The following TBC1D24 variants were observed in gnomAD, a reference collection of about 807,000 sequenced individuals.
TBC1D24 encodes TBC1 domain family member 24, also known as Infantile myoclonic epilepsy.
A neutral mutation model predicts 50.7 loss-of-function variants in TBC1D24; 47 were observed. The observed-to-expected ratio is 0.93, with a 90% CI of 0.73 to 1.18. The LOEUF (loss-of-function observed/expected upper bound fraction) is 1.18. Ranked by LOEUF, TBC1D24 falls within the 50% of genes most tolerant of loss-of-function variation. The pLI, the probability that TBC1D24 is intolerant of heterozygous loss-of-function variation, is 0.00. For missense variants in TBC1D24, 688 were observed against 766.5 expected (o/e 0.90, Z 1.21); for synonymous variants, 324 against 335.2 (o/e 0.97, Z 0.36).
chr16:2,476,720 G>A (rs1049913190), intron 1 of TBC1D24: 2 of 152,274 alleles, frequency 1.3e-5, no homozygotes, highest in African/African-American at 4.8e-5. Flanking sequence ...AGGTCCTTTT[G>A]TCGGAGTGAT....
chr16:2,492,863 C>CGGGCGGATCACCTGAGGT, intron 1 of TBC1D24, among the ~76,000 whole-genome samples: 1 of 152,178 alleles, frequency 6.6e-6, no homozygotes, highest in South Asian at 2.1e-4. Flanking sequence ...GAGGCTGAGG[C>CGGGCGGATCACCTGAGGT]GGGCGGATCA....
In TBC1D24 at chr16:2,500,534, C is replaced by A. The variant is rs771007616; in HGVS notation, c.1525+44C>A. Reference sequence around the variant, plus strand: ...GGCTCTGGGATGAGGGTGTGGGGTCCGGGCAGCTGAAGCTGCTGCACCCAG... The same window carrying A: ...GGCTCTGGGATGAGGGTGTGGGGTCAGGGCAGCTGAAGCTGCTGCACCCAG... On this transcript the variant is annotated intron_variant, in intron 7 of 7. Coordinates refer to ENST00000646147, the MANE Select transcript of TBC1D24 (RefSeq NM_001199107.2). This position sits in a 1 kb window ranked among gnomAD's most constrained non-coding sequence, Gnocchi z 8.0. 1 of 1,524,768 alleles carries A rather than the reference C, an allele frequency of 6.6e-7. No individual in the cohort carries two copies. The highest frequency in any genetic ancestry group is 2.0e-5 in the Admixed American group (1 of 50,798). The allele number at this position is 1,524,768 out of a possible 1,614,324, so 94.5% of individuals were successfully genotyped here. A position where few individuals can be genotyped will look rare whatever the true frequency, so the allele number is the denominator to read the frequency against.
intron 1 of TBC1D24, chr16:2,481,386 A>G (rs1456096347): frequency 6.6e-6 from 1 of 152,260 alleles, no homozygotes; most frequent in Admixed American, 6.5e-5. Context: ...TCTACCAGAC[A>G]TAAAAAGTAA....
rs2065819284 is a variant in TBC1D24, at chr16:2,504,480, G to GC, written c.*3523dup. 6.9e-6 allele frequency: 1 copy of GC among 145,512 alleles called. No homozygotes were observed. Among genetic ancestry groups the GC allele is most frequent in the Non-Finnish European group, 1.5e-5 (1 of 67,264 alleles). The allele number at this position is 145,512 out of a possible 1,614,324, so 9.0% of individuals were successfully genotyped here. A position where few individuals can be genotyped will look rare whatever the true frequency, so the allele number is the denominator to read the frequency against. ...GTCGCCCAGGCTGGAGTGCAGTGGCGCGATCTCGGCTCACCGCAAGCCCCG... is the reference window on the plus strand; with the variant it reads ...GTCGCCCAGGCTGGAGTGCAGTGGCGCCGATCTCGGCTCACCGCAAGCCCCG... On this transcript the variant is annotated 3_prime_UTR_variant, in exon 8 of 8. Transcript: ENST00000646147.
Position 2,482,748 on chromosome 16 carries a change from C to T in TBC1D24, c.-116+7578C>T, listed in dbSNP as rs1352514885. Among the ~76,000 whole-genome samples the T allele has an allele frequency of 6.6e-6, 1 of 152,138 alleles. No homozygotes were observed. Among genetic ancestry groups the T allele is most frequent in the African/African-American group, 2.4e-5 (1 of 41,414 alleles). Reference sequence around the variant, plus strand: ...AGCAGCTGGAGGGACAGGTCTGGACCTCAAAGAAGGATTCTAGGCTCAGGA... The same window carrying T: ...AGCAGCTGGAGGGACAGGTCTGGACTTCAAAGAAGGATTCTAGGCTCAGGA... On this transcript the variant is annotated intron_variant, in intron 1 of 7. Transcript: ENST00000646147. This position sits in a 1 kb window ranked among gnomAD's most constrained non-coding sequence, Gnocchi z 5.2.
rs1194696400 is a variant in TBC1D24 at position 2,502,428 on chromosome 16, T to G, written c.*1470T>G. ...GTCCTGCCCCCACCCCCGTCCCTGC[T>G]GGCCTCCAGCCAGTGCCACTTGGAG... On this transcript the variant is annotated 3_prime_UTR_variant, in exon 8 of 8. Transcript: ENST00000646147. The G allele has an allele frequency of 6.6e-6, 1 of 150,812 alleles. No homozygotes were observed. Among genetic ancestry groups the G allele is most frequent in the Admixed American group, 6.6e-5 (1 of 15,168 alleles). 9.3% of individuals were successfully genotyped at this position (150,812 alleles called of 1,614,324 possible). A position where few individuals can be genotyped will look rare whatever the true frequency, so the allele number is the denominator to read the frequency against.
intron 1 of TBC1D24, chr16:2,484,331 C>T (rs1377309071): frequency 6.6e-6 from 1 of 152,370 alleles, no homozygotes; most frequent in African/African-American, 2.4e-5. Context: ...CCTTGTTACC[C>T]AGTTCCCCAC....
intron 1 of TBC1D24, among the ~76,000 whole-genome samples, chr16:2,490,032 C>T (rs967960509): frequency 6.6e-6 from 1 of 152,208 alleles, no homozygotes; most frequent in African/African-American, 2.4e-5. Context: ...GTGTCTGGAG[C>T]GCTTCATCCT....
In TBC1D24 at chr16:2,483,883, G is replaced by A. The variant is rs1210131525; in HGVS notation, c.-116+8713G>A. ...GGGTAAAAGGCAGATAGCAAGGTAA[G>A]GAGGTGTGGGGGAAGACCAGCGGCT... On this transcript the variant is annotated intron_variant, in intron 1 of 7. Transcript: ENST00000646147. This position sits in a 1 kb window ranked among gnomAD's most constrained non-coding sequence, Gnocchi z 4.0. 1 of 152,634 alleles carries A rather than the reference G, an allele frequency of 6.6e-6. No homozygotes were observed. The highest frequency in any genetic ancestry group is 1.5e-5 in the Non-Finnish European group (1 of 68,278). The allele number at this position is 152,634 out of a possible 1,614,324, so 9.5% of individuals were successfully genotyped here.
At position 2,496,271 on chromosome 16, in the gene TBC1D24, G is replaced by T. The variant is rs763815059; in HGVS notation, c.123G>T (p.Gln41His). The change falls in exon 2 of 8, where the codon CAG becomes CAT. Residue 41 changes from glutamine to histidine, a missense_variant. Transcript: ENST00000646147. The stretch of plus-strand genomic sequence containing the variant: ...AGGAACTGAAGCAGCTGGCGCGCCA[G>T]GGCTACTGGGCCCAAAGCCACGCCC... ...ELQELKQLAR[Q>H]GYWAQSHALR... 1 of 1,613,754 alleles carries T rather than the reference G, an allele frequency of 6.2e-7. No homozygotes were observed. The highest frequency in any genetic ancestry group is 8.5e-7 in the Non-Finnish European group (1 of 1,180,026).
Position 2,500,994 on chromosome 16 carries a change from G to T in TBC1D24, c.*36G>T, listed in dbSNP as rs73490289. Reference sequence around the variant, plus strand: ...CACGGTGACTGAGCCGTGGTGGGGCGGTGGGCCGAGGCTGGGCTGCCGCCT... The same window carrying T: ...CACGGTGACTGAGCCGTGGTGGGGCTGTGGGCCGAGGCTGGGCTGCCGCCT... On this transcript the variant is annotated 3_prime_UTR_variant, in exon 8 of 8. Transcript: ENST00000646147. The surrounding 1 kb of genome is among the most constrained non-coding windows in gnomAD (Gnocchi z 8.0). 5,904 of 1,603,478 alleles carry T rather than the reference G, an allele frequency of 3.7e-3. 178 individuals carry two copies. The African/African-American group carries it at 0.066, about 18-fold the overall frequency.
rs1289382300 is a variant in TBC1D24, at chr16:2,475,563, G to A, written c.-116+393G>A. Among the ~76,000 whole-genome samples, 3 of 152,226 alleles carry A rather than the reference G, an allele frequency of 2.0e-5. No individual in the cohort carries two copies. Among genetic ancestry groups the A allele is most frequent in the East Asian group, 3.9e-4 (2 of 5,158 alleles). On this transcript the variant is annotated intron_variant, in intron 1 of 7. Coordinates refer to ENST00000646147, the MANE Select transcript of TBC1D24 (RefSeq NM_001199107.2). The surrounding 1 kb of genome is among the most constrained non-coding windows in gnomAD (Gnocchi z 4.2). ...TTGGGGGCTCGGTGAGATTGCAACA[G>A]ATTCTGATACGCCCTGCCCTGTGGA...
intron 1 of TBC1D24, among the ~76,000 whole-genome samples, chr16:2,491,814 A>G (rs552588470): frequency 1.3e-5 from 2 of 151,848 alleles, no homozygotes; most frequent in South Asian, 2.1e-4. Context: ...CGGCCTCCCA[A>G]AGTGCTGGGA....
rs925567713 is a variant in TBC1D24, at chr16:2,503,340, G to C, written c.*2382G>C. On this transcript the variant is annotated 3_prime_UTR_variant, in exon 8 of 8. Transcript: ENST00000646147. ...CTTTTTTATTCTTATCACTGTACTT[G>C]TTAGTATCTGATATTAGGTATTCCC... The C allele has an allele frequency of 2.0e-5, 3 of 151,974 alleles. No homozygotes were observed. Among genetic ancestry groups the C allele is most frequent in the African/African-American group, 4.8e-5 (2 of 41,376 alleles). The allele number at this position is 151,974 out of a possible 1,614,324, so 9.4% of individuals were successfully genotyped here.
At chr16:2,494,151 C>T (rs928481220) in intron 1 of TBC1D24, among the ~76,000 whole-genome samples, 4 of 152,278 alleles carry the variant, frequency 2.6e-5, no homozygotes, top group South Asian at 4.1e-4. Context: ...TGGTGGCTCA[C>T]GCCTGTAATC....
chr16:2,496,924 C>A lies in TBC1D24; in HGVS notation c.776C>A (p.Pro259Gln), dbSNP rs779398267. The A allele has an allele frequency of 6.2e-6, 10 of 1,613,928 alleles. No individual in the cohort carries two copies. The African/African-American group carries it at 1.2e-4, about 19-fold the overall frequency. The change falls in exon 2 of 8, where the codon CCG (proline) becomes CAG (glutamine). Residue 259 changes from proline (P) to glutamine (Q), a missense_variant. Physicochemically the swap from Pro to Gln is moderately conservative, Grantham distance 76 (BLOSUM62 -1). Coordinates refer to ENST00000646147, the MANE Select transcript of TBC1D24 (RefSeq NM_001199107.2). ...KFFHKVRAGQ[P>Q]LESDSVKQDI... Reference sequence around the variant, plus strand: ...TTCCACAAGGTGAGGGCCGGGCAGCCGCTGGAGTCGGACAGCGTGAAGCAG... The same window carrying A: ...TTCCACAAGGTGAGGGCCGGGCAGCAGCTGGAGTCGGACAGCGTGAAGCAG...
At position 2,499,140 on chromosome 16, in the gene TBC1D24, G is replaced by A. The variant is rs1279187044; in HGVS notation, c.1143-217G>A. 6.6e-6 allele frequency among the ~76,000 whole-genome samples: 1 copy of A among 152,202 alleles called. No individual in the cohort carries two copies. Among genetic ancestry groups the A allele is most frequent in the African/African-American group, 2.4e-5 (1 of 41,458 alleles). On this transcript the variant is annotated intron_variant, in intron 4 of 7. Transcript: ENST00000646147. This position sits in a 1 kb window ranked among gnomAD's most constrained non-coding sequence, Gnocchi z 4.0. Reference sequence around the variant, plus strand: ...TCTGCACTGGGGCCTTCCACTGCAAGGCCTCTCCCCTGAGTCACACCAGGG... The same window carrying A: ...TCTGCACTGGGGCCTTCCACTGCAAAGCCTCTCCCCTGAGTCACACCAGGG...
chr16:2,499,441 C>T lies in TBC1D24; in HGVS notation c.1206+21C>T, dbSNP rs990552297. The T allele has an allele frequency of 6.2e-7, 1 of 1,600,052 alleles. No homozygotes were observed. The highest frequency in any genetic ancestry group is 1.1e-5 in the South Asian group (1 of 88,362). ...AGGAGGTGAGCAGGGGCCCTGGAGC[C>T]AGGGCTGGCTCTGATGGGCTCCAGG... On this transcript the variant is annotated intron_variant, in intron 5 of 7. Coordinates refer to ENST00000646147, the MANE Select transcript of TBC1D24 (RefSeq NM_001199107.2). The surrounding 1 kb of genome is among the most constrained non-coding windows in gnomAD (Gnocchi z 4.0).
chr16:2,498,175 T>G, intron 3 of TBC1D24, 63 bp from the exon 4 acceptor site: 3 of 1,542,358 alleles, frequency 1.9e-6, no homozygotes, highest in Non-Finnish European at 2.6e-6. Flanking sequence ...GGGGCATACC[T>G]CGGGGGGCAT....
Sources: allele counts gnomAD v4.1 joint callset (sites outside exome capture counted in the v4.1 genomes callset), GRCh38; gene constraint gnomAD v4.1.1; non-coding constraint Gnocchi (gnomAD v3.1); transcripts MANE v1.5; gene names NCBI Gene and HGNC (gene_info 2026-07-23, HGNC 2026-07-21).